The following SLC24A2 variants were observed in gnomAD, a reference collection of about 807,000 sequenced individuals.
SLC24A2 encodes solute carrier family 24 member 2, also known as sodium/potassium/calcium exchanger 2.
SLC24A2 carries 36 observed loss-of-function variants against 62.0 expected under a neutral mutation model. The observed-to-expected ratio is 0.58, with a 90% confidence interval of 0.44 to 0.77. The LOEUF (loss-of-function observed/expected upper bound fraction) is 0.77. Among genes scored for constraint, SLC24A2 ranks in the 30% least tolerant of loss-of-function variants. The pLI is 0.00. For missense variants in SLC24A2, 846 were observed against 817.9 expected, an observed-to-expected ratio of 1.03 and a Z score of -0.42; for synonymous variants, 358 against 294.0, an observed-to-expected ratio of 1.22 and a Z score of -2.23.
intron 4 of SLC24A2, among the ~76,000 whole-genome samples, chr9:19,600,651 T>C (rs1836817699): frequency 6.6e-6 from 1 of 152,144 alleles, no homozygotes; most frequent in South Asian, 2.1e-4. Context: ...TTCTTATAAA[T>C]TTGCCACTTC....
chr9:19,851,763 C>T, the SLC24A2 span, among the ~76,000 whole-genome samples: 1 of 152,180 alleles, frequency 6.6e-6, no homozygotes. Flanking sequence ...CATGTCTTTG[C>T]TATTGTGAAT....
chr9:20,000,448 A>C, the SLC24A2 span, among the ~76,000 whole-genome samples: 2 of 151,868 alleles, frequency 1.3e-5, no homozygotes, highest in Non-Finnish European at 2.9e-5. Context: ...CTTTTGTGCC[A>C]GTTCTTGATA....
chr9:20,081,447 G>A, the SLC24A2 span, among the ~76,000 whole-genome samples: 4 of 127,884 alleles, frequency 3.1e-5, no homozygotes, highest in Non-Finnish European at 4.7e-5. Flanking sequence ...TTGGGCACAG[G>A]AAGGGGAAAA....
At chr9:19,894,493 T>C in the SLC24A2 span, among the ~76,000 whole-genome samples, 4 of 152,348 alleles carry the variant, frequency 2.6e-5, no homozygotes, top group South Asian at 6.2e-4. Flanking sequence ...ACTGAATTGA[T>C]GAAACGGCCA....
chr9:19,979,488 T>C, the SLC24A2 span, among the ~76,000 whole-genome samples: 1 of 152,212 alleles, frequency 6.6e-6, no homozygotes. Flanking sequence ...ATTTTGAGTG[T>C]ATTGTTTTAG....
the SLC24A2 span, among the ~76,000 whole-genome samples, chr9:19,838,824 G>A: frequency 2.0e-5 from 3 of 149,182 alleles, no homozygotes; most frequent in African/African-American, 2.5e-5. Flanking sequence ...CAGGACATAG[G>A]CATGGGCAAG....
chr9:19,680,327 T>C (rs1280384923), intron 2 of SLC24A2, among the ~76,000 whole-genome samples: 2 of 152,034 alleles, frequency 1.3e-5, no homozygotes, highest in South Asian at 2.1e-4. Flanking sequence ...CGCAAAGGCA[T>C]GGATGCAGAA....
the SLC24A2 span, among the ~76,000 whole-genome samples, chr9:20,297,402 C>T: frequency 1.3e-5 from 2 of 152,098 alleles, no homozygotes; most frequent in Non-Finnish European, 2.9e-5. Flanking sequence ...CAACAGGAAA[C>T]GAGGCTGCAG....
At chr9:20,286,827 C>T in the SLC24A2 span, among the ~76,000 whole-genome samples, 20 of 152,202 alleles carry the variant, frequency 1.3e-4, no homozygotes, top group South Asian at 6.2e-4. Context: ...CAGAGGAGGC[C>T]GAGAAAGGAT....
At chr9:20,070,943 T>C in the SLC24A2 span, among the ~76,000 whole-genome samples, 1 of 152,172 alleles carries the variant, frequency 6.6e-6, no homozygotes, top group South Asian at 2.1e-4. Flanking sequence ...TGGGAGGTGA[T>C]TGGGTTATAG....
At chr9:19,681,229 C>T (rs1819713494) in intron 2 of SLC24A2, among the ~76,000 whole-genome samples, 1 of 152,074 alleles carries the variant, frequency 6.6e-6, no homozygotes, top group Non-Finnish European at 1.5e-5. Context: ...ATTCTCTCTG[C>T]AATGCTGTTT....
At chr9:19,754,820 C>T (rs754431524) in intron 2 of SLC24A2, among the ~76,000 whole-genome samples, 3 of 151,998 alleles carry the variant, frequency 2.0e-5, no homozygotes, top group East Asian at 1.9e-4. Context: ...CTCTCCTGCT[C>T]GACAGGCAGA....
chr9:20,258,605 G>A, the SLC24A2 span, among the ~76,000 whole-genome samples: 1 of 152,200 alleles, frequency 6.6e-6, no homozygotes, highest in African/African-American at 2.4e-5. Context: ...ACTCATACCA[G>A]CAGCCCATGG....
intron 10 of SLC24A2, among the ~76,000 whole-genome samples, chr9:19,516,712 C>T (rs1031269066): frequency 2.6e-5 from 4 of 152,066 alleles, no homozygotes; most frequent in African/African-American, 9.7e-5. Flanking sequence ...TTGTTTCCTT[C>T]CTAGTTGAGA....
intron 2 of SLC24A2, among the ~76,000 whole-genome samples, chr9:19,769,149 T>TC (rs1822608474): frequency 6.6e-6 from 1 of 152,152 alleles, no homozygotes; most frequent in Non-Finnish European, 1.5e-5. Context: ...CCTGAAGTCT[T>TC]CCCCTTTTCC....
At chr9:19,873,623 T>C in the SLC24A2 span, among the ~76,000 whole-genome samples, 1 of 152,020 alleles carries the variant, frequency 6.6e-6, no homozygotes, top group East Asian at 1.9e-4. Context: ...TTTCTTTCCT[T>C]CTTTCTCTAG....
chr9:19,901,091 G>A, the SLC24A2 span, among the ~76,000 whole-genome samples: 30 of 152,312 alleles, frequency 2.0e-4, no homozygotes, highest in Admixed American at 6.5e-4. Flanking sequence ...TTAGCCAGTC[G>A]TGCAGGCAAC....
At chr9:19,549,592 A>G (rs546126140) in intron 8 of SLC24A2, among the ~76,000 whole-genome samples, 5 of 152,314 alleles carry the variant, frequency 3.3e-5, no homozygotes, top group African/African-American at 7.2e-5. Flanking sequence ...AAGTCACATG[A>G]AAAGGCCATG....
intron 2 of SLC24A2, among the ~76,000 whole-genome samples, chr9:19,625,462 T>C (rs1400084832): frequency 1.3e-5 from 2 of 152,276 alleles, no homozygotes; most frequent in South Asian, 2.1e-4. Context: ...AGGGCTTTGG[T>C]GTGCCAACGC....
Sources: allele counts gnomAD v4.1 joint callset (sites outside exome capture counted in the v4.1 genomes callset), GRCh38; gene constraint gnomAD v4.1.1; transcripts MANE v1.5; gene names NCBI Gene and HGNC (gene_info 2026-07-23, HGNC 2026-07-21).